Variants in NPSR1 observed in about 807,000 individuals in gnomAD.
The protein encoded by NPSR1 is neuropeptide S receptor.
NPSR1 carries 48 observed loss-of-function variants against 46.9 expected under a neutral mutation model. The observed-to-expected ratio is 1.02, with a 90% CI of 0.81 to 1.30. The LOEUF (loss-of-function observed/expected upper bound fraction) is 1.30, where lower values mean the gene tolerates loss of function less well. Among genes scored for constraint, NPSR1 ranks in the 50% most tolerant of loss-of-function variants. The pLI, the probability that NPSR1 is intolerant of heterozygous loss-of-function variation, is 0.00. For missense variants in NPSR1, 450 were observed against 449.5 expected (o/e 1.00, Z -0.01); for synonymous variants, 176 against 168.1 (o/e 1.05, Z -0.36).
At chr7:34,836,122 C>T (rs1333105778) in intron 6 of NPSR1, among the ~76,000 whole-genome samples, 1 of 152,102 alleles carries the variant, frequency 6.6e-6, no homozygotes, top group African/African-American at 2.4e-5. Context: ...ATTCCAGCCC[C>T]CATGCAGATC....
At chr7:34,792,715 T>TGTATATATATATGTATATATATATTTA (rs1787980054) in intron 3 of NPSR1, among the ~76,000 whole-genome samples, 2 of 98,926 alleles carry the variant, frequency 2.0e-5, no homozygotes, top group African/African-American at 7.7e-5. Context: ...ATATATATAT[T>TGTATATATATATGTATATATATATTTA]TATATATATA....
chr7:34,749,510 C>T (rs1785396148), intron 2 of NPSR1, among the ~76,000 whole-genome samples: 1 of 152,176 alleles, frequency 6.6e-6, no homozygotes, highest in Non-Finnish European at 1.5e-5. Flanking sequence ...CCCAAGATAT[C>T]TAAGTAAGTT....
intron 6 of NPSR1, 44 bp from the exon 7 acceptor site, chr7:34,844,852 C>T (rs754832070): frequency 9.2e-6 from 11 of 1,189,590 alleles, no homozygotes; most frequent in Admixed American, 1.7e-5. Flanking sequence ...GAAACTGTCA[C>T]ATCTTGAACA....
intron 2 of NPSR1, among the ~76,000 whole-genome samples, chr7:34,760,477 G>T (rs1027152250): frequency 2.6e-5 from 4 of 152,182 alleles, no homozygotes; most frequent in African/African-American, 9.7e-5. Flanking sequence ...CTGTCATGTA[G>T]CAGAGCCAAC....
chr7:34,749,739 T>C (rs545889184), intron 2 of NPSR1, among the ~76,000 whole-genome samples: 3 of 152,364 alleles, frequency 2.0e-5, no homozygotes, highest in African/African-American at 7.2e-5. Flanking sequence ...ACAATTAAAG[T>C]TCAATTTCGT....
At chr7:34,718,849 A>T (rs1783704786) in intron 2 of NPSR1, 1 of 152,248 alleles carries the variant, frequency 6.6e-6, no homozygotes, top group African/African-American at 2.4e-5. Flanking sequence ...AAATGGAAAT[A>T]AAGTCCAAGC....
chr7:34,748,810 T>G (rs978998768), intron 2 of NPSR1, among the ~76,000 whole-genome samples: 1 of 152,004 alleles, frequency 6.6e-6, no homozygotes, highest in Non-Finnish European at 1.5e-5. Context: ...GGCATATTTG[T>G]CAATCACAAT....
rs1197631566 is a variant in NPSR1 at position 34,792,516 on chromosome 7, CAT to C, written c.384+13962_384+13963del. On this transcript the variant is annotated intron_variant, in intron 3 of 8. Coordinates refer to ENST00000360581, the MANE Select transcript of NPSR1 (RefSeq NM_207172.2). ...CTCTACAAAAACACACACACACACA[CAT>C]ATATATATATGTACATATATACACA... is the stretch of plus-strand genomic sequence containing the variant. Among the ~76,000 whole-genome samples, 187 of 143,700 alleles carry C rather than the reference CAT, an allele frequency of 1.3e-3. 5 individuals carry two copies. In the East Asian group the frequency reaches 0.025, roughly 19 times the overall value. 94.3% of individuals were successfully genotyped at this position (143,700 alleles called of 152,430 possible).
intron 2 of NPSR1, among the ~76,000 whole-genome samples, chr7:34,701,559 A>C (rs1013978361): frequency 1.3e-5 from 2 of 152,186 alleles, no homozygotes; most frequent in Non-Finnish European, 2.9e-5. Context: ...TATTAAAATG[A>C]ATATGCCTTC....
chr7:34,802,182 A>C (rs1020292392), intron 3 of NPSR1, among the ~76,000 whole-genome samples: 5 of 150,460 alleles, frequency 3.3e-5, no homozygotes, highest in Non-Finnish European at 7.4e-5. Flanking sequence ...ATCAAGCTAC[A>C]AATGACTTTC....
At chr7:34,776,434 C>A (rs1786961558) in intron 2 of NPSR1, among the ~76,000 whole-genome samples, 1 of 152,062 alleles carries the variant, frequency 6.6e-6, no homozygotes, top group Admixed American at 6.6e-5. Flanking sequence ...TGAATTGACC[C>A]CTTTTTCACT....
chr7:34,671,418 G>A (rs1266872464), intron 1 of NPSR1, among the ~76,000 whole-genome samples: 3 of 152,068 alleles, frequency 2.0e-5, no homozygotes, highest in Non-Finnish European at 4.4e-5. Flanking sequence ...CAAATAAATT[G>A]TGTGCATTGT....
intron 5 of NPSR1, 29 bp downstream of exon 5, chr7:34,827,631 GGGGGGGTGGGGC>G: frequency 7.9e-7 from 1 of 1,270,034 alleles, no homozygotes; most frequent in Non-Finnish European, 1.1e-6. Context: ...AGGACCACAC[GGGGGGGTGGGGC>G]GGGGGGGGCT....
chr7:34,799,402 A>G (rs992788528), intron 3 of NPSR1, among the ~76,000 whole-genome samples: 3 of 152,068 alleles, frequency 2.0e-5, no homozygotes, highest in Non-Finnish European at 2.9e-5. Flanking sequence ...TCAAGAAAAG[A>G]AGAGGATTCA....
chr7:34,766,955 TATA>T (rs1298999794), intron 2 of NPSR1, among the ~76,000 whole-genome samples: 2 of 152,152 alleles, frequency 1.3e-5, no homozygotes, highest in Non-Finnish European at 2.9e-5. Flanking sequence ...ATCACAAAAC[TATA>T]ATGATAAAGA....
intron 1 of NPSR1, among the ~76,000 whole-genome samples, chr7:34,682,060 A>G (rs1792667024): frequency 6.6e-6 from 1 of 152,224 alleles, no homozygotes; most frequent in South Asian, 2.1e-4. Flanking sequence ...ATACTTTGAG[A>G]AGCACTTTCC....
At chr7:34,844,829 A>G in intron 6 of NPSR1, 67 bp from the exon 7 acceptor site, 2 of 996,702 alleles carry the variant, frequency 2.0e-6, no homozygotes, top group Non-Finnish European at 3.2e-6. Flanking sequence ...TAATGTTCCT[A>G]TTGGCTGAAA....
chr7:34,768,922 G>A (rs1168770036), intron 2 of NPSR1, among the ~76,000 whole-genome samples: 1 of 152,124 alleles, frequency 6.6e-6, no homozygotes, highest in Non-Finnish European at 1.5e-5. Flanking sequence ...TGTATTATGG[G>A]TTCCTGGCTT....
At chr7:34,777,705 G>T (rs997955817) in intron 2 of NPSR1, among the ~76,000 whole-genome samples, 1 of 152,074 alleles carries the variant, frequency 6.6e-6, no homozygotes, top group African/African-American at 2.4e-5. Flanking sequence ...AAAGATTCTG[G>T]ATTACGTGAT....
Sources: allele counts gnomAD v4.1 joint callset (sites outside exome capture counted in the v4.1 genomes callset), GRCh38; gene constraint gnomAD v4.1.1; transcripts MANE v1.5; gene names NCBI Gene and HGNC (gene_info 2026-07-23, HGNC 2026-07-21).